PAG1: variants seen among roughly 807,000 people sequenced by gnomAD.
PAG1 encodes phosphoprotein associated with glycosphingolipid-enriched microdomains 1.
A neutral mutation model predicts 31.7 loss-of-function variants in PAG1; 23 were observed. The observed-to-expected ratio is 0.73, with a 90% confidence interval of 0.52 to 1.03. The LOEUF is 1.03. Ranked by LOEUF, PAG1 falls within the 50% of genes least tolerant of loss-of-function variation. The pLI is 0.00. For missense variants in PAG1, 473 were observed against 540.7 expected (o/e 0.87, Z 1.24); for synonymous variants, 214 against 210.3 (o/e 1.02, Z -0.15).
At chr8:81,059,188 A>G (rs1727319901) in intron 2 of PAG1, among the ~76,000 whole-genome samples, 1 of 152,170 alleles carries the variant, frequency 6.6e-6, no homozygotes, top group Non-Finnish European at 1.5e-5. Flanking sequence ...TACATTGTAA[A>G]TGCTATGTAA....
intron 3 of PAG1, among the ~76,000 whole-genome samples, chr8:81,009,154 G>A (rs987014089): frequency 1.3e-4 from 20 of 152,062 alleles, no homozygotes; most frequent in Middle Eastern, 3.4e-3. Flanking sequence ...AATTATCTTC[G>A]TCTAGCTCTT....
intron 3 of PAG1, among the ~76,000 whole-genome samples, chr8:81,026,963 T>C (rs1456698880): frequency 6.6e-6 from 1 of 152,230 alleles, no homozygotes; most frequent in East Asian, 1.9e-4. Flanking sequence ...GGTGGTTTTT[T>C]CTTGCTATCT....
intron 3 of PAG1, among the ~76,000 whole-genome samples, chr8:81,022,049 A>G (rs1808182283): frequency 6.6e-6 from 1 of 152,228 alleles, no homozygotes; most frequent in Admixed American, 6.5e-5. Context: ...GAATTGTTAG[A>G]TCACAACAGT....
intron 3 of PAG1, among the ~76,000 whole-genome samples, chr8:81,022,742 T>C (rs1432873787): frequency 6.6e-6 from 1 of 152,174 alleles, no homozygotes; most frequent in Admixed American, 6.5e-5. Flanking sequence ...TATTTAAGAT[T>C]AGTATTCATT....
intron 3 of PAG1, among the ~76,000 whole-genome samples, chr8:81,022,311 TTC>T (rs1808204237): frequency 6.6e-6 from 1 of 152,246 alleles, no homozygotes; most frequent in African/African-American, 2.4e-5. Flanking sequence ...TTCTGTATAT[TTC>T]TTTTTCCTTA....
chr8:81,097,841 G>A (rs1809552128), intron 1 of PAG1, among the ~76,000 whole-genome samples: 1 of 152,096 alleles, frequency 6.6e-6, no homozygotes, highest in Non-Finnish European at 1.5e-5. Context: ...GTTGCTCTTT[G>A]AAAACTTAGT....
intron 1 of PAG1, among the ~76,000 whole-genome samples, chr8:81,105,882 T>A (rs1809685883): frequency 6.6e-6 from 1 of 152,188 alleles, no homozygotes. Context: ...AGATGGCAGA[T>A]GACAGTAATG....
Position 80,968,557 on chromosome 8 carries a change from A to G in PAG1, c.*7987T>C, listed in dbSNP as rs913432278. Reference sequence around the variant, plus strand: ...GAAATACTATGAGCAAGATACAAACATTCTGGGATGGATGGTAGATGGATG... The same window carrying G: ...GAAATACTATGAGCAAGATACAAACGTTCTGGGATGGATGGTAGATGGATG... On this transcript the variant is annotated 3_prime_UTR_variant, in exon 9 of 9. Coordinates refer to ENST00000220597, the MANE Select transcript of PAG1 (RefSeq NM_018440.4). 6.6e-6 allele frequency: 1 copy of G among 152,228 alleles called. No individual in the cohort carries two copies. Among genetic ancestry groups the G allele is most frequent in the Non-Finnish European group, 1.5e-5 (1 of 68,036 alleles). The allele number at this position is 152,228 out of a possible 1,614,324, so 9.4% of individuals were successfully genotyped here.
intron 1 of PAG1, among the ~76,000 whole-genome samples, chr8:81,104,931 G>A (rs997609564): frequency 6.6e-6 from 1 of 151,918 alleles, no homozygotes; most frequent in Non-Finnish European, 1.5e-5. Context: ...TCCAGCCTCC[G>A]CTCTCCATCT....
intron 2 of PAG1, among the ~76,000 whole-genome samples, chr8:81,051,634 T>C (rs902152715): frequency 1.2e-4 from 19 of 152,162 alleles, no homozygotes; most frequent in African/African-American, 4.6e-4. Context: ...ATAACAATTT[T>C]TGTAAAGTTA....
intron 1 of PAG1, among the ~76,000 whole-genome samples, chr8:81,097,288 T>C (rs1809543231): frequency 6.6e-6 from 1 of 151,980 alleles, no homozygotes; most frequent in Non-Finnish European, 1.5e-5. Flanking sequence ...TCACCAGAGC[T>C]GGGGAGGGGT....
chr8:81,023,341 C>T (rs995725038), intron 3 of PAG1, among the ~76,000 whole-genome samples: 2 of 151,738 alleles, frequency 1.3e-5, no homozygotes, highest in Admixed American at 6.6e-5. Flanking sequence ...GGTTTTGGGA[C>T]CAATTATATA....
intron 3 of PAG1, among the ~76,000 whole-genome samples, chr8:81,014,583 T>C (rs1808041048): frequency 6.6e-6 from 1 of 152,164 alleles, no homozygotes; most frequent in African/African-American, 2.4e-5. Context: ...ACATAAATCG[T>C]TGGGGATTCA....
At chr8:81,073,758 C>G (rs1764786088) in intron 1 of PAG1, among the ~76,000 whole-genome samples, 1 of 152,198 alleles carries the variant, frequency 6.6e-6, no homozygotes. Flanking sequence ...AACAAACCCA[C>G]CATCTAGCAG....
chr8:80,994,904 T>A (rs1807639260), intron 3 of PAG1, among the ~76,000 whole-genome samples: 1 of 152,260 alleles, frequency 6.6e-6, no homozygotes, highest in African/African-American at 2.4e-5. Flanking sequence ...GGTTTTTTGA[T>A]AATAGTGCAA....
Position 81,074,543 on chromosome 8 carries a change from A to G in PAG1, c.-233-4373T>C, listed in dbSNP as rs141986297. 2.4e-3 allele frequency among the ~76,000 whole-genome samples: 371 copies of G among 152,254 alleles called. 5 individuals carry two copies. The highest frequency in any genetic ancestry group is 8.4e-3 in the African/African-American group (349 of 41,530). On this transcript the variant is annotated intron_variant, in intron 1 of 8. Transcript: ENST00000220597. ...GACAGAAGGTGGTGATCAGAGGATG[A>G]AATGGTTGAGGAGAGAGTGGATTAG... is the stretch of plus-strand genomic sequence containing the variant.
chr8:81,067,131 A>T (rs1809021609), intron 2 of PAG1, among the ~76,000 whole-genome samples: 1 of 152,218 alleles, frequency 6.6e-6, no homozygotes, highest in Non-Finnish European at 1.5e-5. Flanking sequence ...TGGGCCACAA[A>T]GTGAGACCCT....
chr8:81,045,469 A>G (rs1808626069), intron 2 of PAG1, among the ~76,000 whole-genome samples: 1 of 152,214 alleles, frequency 6.6e-6, no homozygotes, highest in Admixed American at 6.5e-5. Flanking sequence ...CCTTCATTAA[A>G]GAGCAGCTCA....
At chr8:81,085,408 A>G (rs1172235860) in intron 1 of PAG1, among the ~76,000 whole-genome samples, 1 of 152,240 alleles carries the variant, frequency 6.6e-6, no homozygotes, top group Non-Finnish European at 1.5e-5. Flanking sequence ...GACAAGTAGC[A>G]CAAAAAATTA....
Sources: allele counts gnomAD v4.1 joint callset (sites outside exome capture counted in the v4.1 genomes callset), GRCh38; gene constraint gnomAD v4.1.1; transcripts MANE v1.5; gene names NCBI Gene and HGNC (gene_info 2026-07-23, HGNC 2026-07-21).